MRM1: variants seen among roughly 807,000 people sequenced by gnomAD.
MRM1 encodes rRNA methyltransferase 1, mitochondrial.
A neutral mutation model predicts 25.0 loss-of-function variants in MRM1; 24 were observed. The ratio of observed to expected loss-of-function variants is 0.96; its 90% CI spans 0.69 to 1.35. The LOEUF is 1.35. Among genes scored for constraint, MRM1 ranks in the 40% most tolerant of loss-of-function variants. MRM1 has a pLI of 0.00. For synonymous variants in MRM1, 188 were observed against 199.2 expected (o/e 0.94, Z 0.47); for missense variants, 431 against 464.1 (o/e 0.93, Z 0.65).
downstream of MRM1, among the ~76,000 whole-genome samples, chr17:36,610,908 G>T (rs1245926650): frequency 1.3e-5 from 2 of 151,916 alleles, no homozygotes; most frequent in African/African-American, 4.8e-5. Flanking sequence ...CTGGCTCCTG[G>T]GTTCAAGCGG....
downstream of MRM1, among the ~76,000 whole-genome samples, chr17:36,612,114 C>A (rs2074980290): frequency 6.6e-6 from 1 of 152,112 alleles, no homozygotes; most frequent in African/African-American, 2.4e-5. Flanking sequence ...TTAGGCACCC[C>A]ACCCCCCACA....
the MRM1 span, among the ~76,000 whole-genome samples, chr17:36,631,018 A>G: frequency 6.6e-6 from 1 of 152,202 alleles, no homozygotes; most frequent in African/African-American, 2.4e-5. Context: ...TCCCAGTTTC[A>G]TCATCTGTAA....
the MRM1 span, among the ~76,000 whole-genome samples, chr17:36,625,342 T>TTCTTCTTCTTCTTCTTCC: frequency 1.3e-5 from 2 of 149,194 alleles, no homozygotes; most frequent in Non-Finnish European, 3.0e-5. Flanking sequence ...CTCCTTCGCC[T>TTCTTCTTCTTCTTCTTCC]TCTTCTTCTT....
chr17:36,616,901 G>T, the MRM1 span, among the ~76,000 whole-genome samples: 1 of 152,024 alleles, frequency 6.6e-6, no homozygotes, highest in African/African-American at 2.4e-5. Flanking sequence ...AAACGTTTTT[G>T]TTGTTGTTGA....
chr17:36,601,809 C>G lies in MRM1; in HGVS notation c.-2C>G, dbSNP rs368128351. On this transcript the variant is annotated 5_prime_UTR_variant, in exon 1 of 5. Coordinates refer to ENST00000614766, the MANE Select transcript of MRM1 (RefSeq NM_024864.5). ...CATCGAGTCCCTGGCGGGAGCTGCG[C>G]CATGGCATTGCTCTCGACCGTCCGG... 10 of 1,536,616 alleles carry G rather than the reference C, an allele frequency of 6.5e-6. No homozygotes were observed. The highest frequency in any genetic ancestry group is 8.7e-6 in the Non-Finnish European group (10 of 1,143,140).
chr17:36,616,123 G>GAATC, the MRM1 span, among the ~76,000 whole-genome samples: 1 of 152,168 alleles, frequency 6.6e-6, no homozygotes, highest in Non-Finnish European at 1.5e-5. Context: ...CTTCAAGCAG[G>GAATC]AATCACCCTT....
At chr17:36,614,265 C>T in the MRM1 span, among the ~76,000 whole-genome samples, 1 of 152,028 alleles carries the variant, frequency 6.6e-6, no homozygotes, top group African/African-American at 2.4e-5. Flanking sequence ...TTTGCAGCTT[C>T]CCTGTTTCAT....
intron 2 of MRM1, chr17:36,603,013 A>C: frequency 1.0e-6 from 1 of 985,236 alleles, no homozygotes; most frequent in Non-Finnish European, 1.2e-6. Flanking sequence ...CACAGCTTGA[A>C]AGGATGTTTG....
the MRM1 span, among the ~76,000 whole-genome samples, chr17:36,619,959 A>G: frequency 6.6e-6 from 1 of 152,130 alleles, no homozygotes; most frequent in African/African-American, 2.4e-5. Context: ...GATGTCGGGC[A>G]TCTTTTCATA....
At chr17:36,605,260 A>G (rs986313469) in intron 2 of MRM1, among the ~76,000 whole-genome samples, 7 of 151,934 alleles carry the variant, frequency 4.6e-5, no homozygotes, top group Non-Finnish European at 7.4e-5. Context: ...GGCTCAAGCC[A>G]TCCTCCCACC....
intron 2 of MRM1, among the ~76,000 whole-genome samples, chr17:36,605,978 G>C (rs191567218): frequency 6.6e-6 from 1 of 152,244 alleles, no homozygotes; most frequent in Admixed American, 6.5e-5. Context: ...CAAAGCCTCT[G>C]TACCGCTCAG....
Position 36,602,037 on chromosome 17 carries a change from CG to C in MRM1, c.230del (p.Gly77ValfsTer47). ...RRSVARLLLQ[A>X]GKAGLQGKRA... The stretch of plus-strand genomic sequence containing the variant: ...TCTGTGGCCCGGCTCCTGCTCCAGG[CG>C]GGTAAAGCTGGGCTGCAGGGGAAGC... On this transcript the variant is annotated frameshift_variant, in exon 1 of 5. Coordinates refer to ENST00000614766, the MANE Select transcript of MRM1 (RefSeq NM_024864.5). LOFTEE classifies it high-confidence loss of function. This position sits in a 1 kb window ranked among gnomAD's most constrained non-coding sequence, Gnocchi z 4.1. 6.2e-7 allele frequency: 1 copy of C among 1,610,156 alleles called. No homozygotes were observed. Among genetic ancestry groups the C allele is most frequent in the Non-Finnish European group, 8.5e-7 (1 of 1,178,590 alleles).
At chr17:36,611,393 C>T (rs1008379978), downstream of MRM1, among the ~76,000 whole-genome samples, 3 of 152,160 alleles carry the variant, frequency 2.0e-5, no homozygotes, top group Non-Finnish European at 4.4e-5. Flanking sequence ...CTACCCCCTT[C>T]CTTTTCAACA....
chr17:36,603,159 C>G (rs2074896070), intron 2 of MRM1: 2 of 985,044 alleles, frequency 2.0e-6, no homozygotes, highest in Admixed American at 6.2e-5. Context: ...GGAATCCCCT[C>G]TGACCATACC....
Position 36,608,416 on chromosome 17 carries a change from C to T in MRM1, c.*1C>T. 1.9e-6 allele frequency: 3 copies of T among 1,555,090 alleles called. No homozygotes were observed. The highest frequency in any genetic ancestry group is 2.0e-5 in the Admixed American group (1 of 50,428). ...GAAAGAGAGGCAAAATGAGGGCTGA[C>T]GTGGACTGTCCACAGTGTTCATGTG... On this transcript the variant is annotated 3_prime_UTR_variant, in exon 5 of 5. Coordinates refer to ENST00000614766, the MANE Select transcript of MRM1 (RefSeq NM_024864.5).
At chr17:36,603,489 C>G (rs2074901008) in intron 2 of MRM1, among the ~76,000 whole-genome samples, 1 of 152,024 alleles carries the variant, frequency 6.6e-6, no homozygotes, top group Non-Finnish European at 1.5e-5. Context: ...GCAACCTCTG[C>G]CTCCTGGGTT....
downstream of MRM1, among the ~76,000 whole-genome samples, chr17:36,612,862 C>G (rs17138323): frequency 1.3e-5 from 2 of 152,134 alleles, no homozygotes; most frequent in Admixed American, 6.5e-5. Context: ...TCCTCAAAGC[C>G]TCTAGGGCCA....
At chr17:36,613,618 T>C (rs763708816), downstream of MRM1, among the ~76,000 whole-genome samples, 2 of 152,090 alleles carry the variant, frequency 1.3e-5, no homozygotes, top group Non-Finnish European at 2.9e-5. Flanking sequence ...AGTGTACACA[T>C]GTGGAAGCGG....
At chr17:36,634,341 C>T in the MRM1 span, 1 of 152,134 alleles carries the variant, frequency 6.6e-6, no homozygotes, top group African/African-American at 2.4e-5. Context: ...TGCTGTAGCC[C>T]TCCCACAACA....
Sources: gnomAD v4.1 joint callset for allele counts (sites outside exome capture counted in the v4.1 genomes callset) on GRCh38, gnomAD v4.1.1 for gene constraint, Gnocchi (gnomAD v3.1) non-coding constraint, MANE v1.5 for transcripts, NCBI Gene and HGNC (gene_info 2026-07-23, HGNC 2026-07-21) for gene names.